ANGPT1: variants seen among roughly 807,000 people sequenced by gnomAD.
ANGPT1 encodes angiopoietin-1.
A neutral mutation model predicts 62.2 loss-of-function variants in ANGPT1; 17 were observed. That is an observed-to-expected ratio of 0.27 (90% CI 0.19 to 0.41). ANGPT1 has a LOEUF of 0.41. Among genes scored for constraint, ANGPT1 ranks in the 10% least tolerant of loss-of-function variants. The pLI is 1.00. For synonymous variants in ANGPT1, 199 were observed against 198.9 expected (o/e 1.00, Z 0.00); for missense variants, 478 against 594.9 (o/e 0.80, Z 2.04).
intron 1 of ANGPT1, among the ~76,000 whole-genome samples, chr8:107,398,930 G>A (rs544423203): frequency 6.6e-6 from 1 of 152,146 alleles, no homozygotes; most frequent in Non-Finnish European, 1.5e-5. Context: ...TTCAGTGGCT[G>A]TAGTACTTAG....
At chr8:107,449,551 T>C (rs1323793263) in intron 1 of ANGPT1, among the ~76,000 whole-genome samples, 2 of 152,000 alleles carry the variant, frequency 1.3e-5, no homozygotes, top group East Asian at 3.9e-4. Flanking sequence ...TTGAAATGGG[T>C]ACTTAAGCAA....
rs1419086641 is a variant in ANGPT1 at position 107,264,708 on chromosome 8, T to C, written c.1206-357A>G. Reference sequence around the variant, plus strand: ...ATCCATTAATATCTAATAGTGCAGATGTACTAAACATTATTAATAGCAATA... The same window carrying C: ...ATCCATTAATATCTAATAGTGCAGACGTACTAAACATTATTAATAGCAATA... On this transcript the variant is annotated intron_variant, in intron 7 of 8. Coordinates refer to ENST00000517746, the MANE Select transcript of ANGPT1 (RefSeq NM_001146.5). Among the ~76,000 whole-genome samples the C allele has an allele frequency of 3.3e-5, 5 of 152,218 alleles. No homozygotes were observed. The East Asian group carries it at 7.7e-4, about 23-fold the overall frequency.
chr8:107,466,141 T>G (rs568332888), intron 1 of ANGPT1, among the ~76,000 whole-genome samples: 1 of 152,264 alleles, frequency 6.6e-6, no homozygotes, highest in South Asian at 2.1e-4. Context: ...ACTTAGAAAT[T>G]TCCACTTAAT....
chr8:107,328,947 T>C (rs1347935385), intron 3 of ANGPT1, among the ~76,000 whole-genome samples: 4 of 152,098 alleles, frequency 2.6e-5, no homozygotes, highest in Non-Finnish European at 5.9e-5. Context: ...TTATAAATTA[T>C]AGTGCATCTA....
At chr8:107,268,673 T>C (rs1813670899) in intron 7 of ANGPT1, among the ~76,000 whole-genome samples, 1 of 152,104 alleles carries the variant, frequency 6.6e-6, no homozygotes, top group Admixed American at 6.6e-5. Flanking sequence ...AATAAAAATA[T>C]GCTTAAGGTT....
intron 1 of ANGPT1, among the ~76,000 whole-genome samples, chr8:107,442,659 T>C (rs570171806): frequency 9.2e-5 from 14 of 152,170 alleles, no homozygotes; most frequent in East Asian, 5.8e-4. Context: ...TCTTCTACCT[T>C]CCTAAATTAT....
intron 1 of ANGPT1, among the ~76,000 whole-genome samples, chr8:107,391,882 C>G (rs1816842796): frequency 6.6e-6 from 1 of 152,110 alleles, no homozygotes; most frequent in African/African-American, 2.4e-5. Context: ...AAATGTAATG[C>G]ATTGCCCTAT....
At chr8:107,391,459 G>A (rs182357018) in intron 1 of ANGPT1, among the ~76,000 whole-genome samples, 36 of 152,280 alleles carry the variant, frequency 2.4e-4, no homozygotes, top group Non-Finnish European at 4.7e-4. Flanking sequence ...CTGAGGTCAG[G>A]AGTTTGAGAC....
chr8:107,281,557 T>G (rs1258569954), intron 7 of ANGPT1, among the ~76,000 whole-genome samples: 1 of 152,044 alleles, frequency 6.6e-6, no homozygotes, highest in Non-Finnish European at 1.5e-5. Flanking sequence ...GGCGTGCGGA[T>G]CACGAGATCA....
Position 107,446,522 on chromosome 8 carries a change from T to TTTGGCCTATAAAGATAA in ANGPT1, c.297+50723_297+50739dup, listed in dbSNP as rs1811625036. 3.9e-5 allele frequency among the ~76,000 whole-genome samples: 6 copies of TTTGGCCTATAAAGATAA among 152,300 alleles called. No individual in the cohort carries two copies. The South Asian group carries it at 1.2e-3, about 32-fold the overall frequency. Reference sequence around the variant, plus strand: ...TTGAACAGAATAGTTGACATTGGAATTTGGCCTATAAAGATAAAGAGGATT... The same window carrying TTTGGCCTATAAAGATAA: ...TTGAACAGAATAGTTGACATTGGAATTTGGCCTATAAAGATAATTGGCCTATAAAGATAAAGAGGATT... On this transcript the variant is annotated intron_variant, in intron 1 of 8. Transcript: ENST00000517746.
At chr8:107,348,013 A>G (rs978141306) in intron 1 of ANGPT1, among the ~76,000 whole-genome samples, 1 of 152,210 alleles carries the variant, frequency 6.6e-6, no homozygotes, top group African/African-American at 2.4e-5. Context: ...CCTCCCTGTC[A>G]GTGCATTTAA....
intron 1 of ANGPT1, among the ~76,000 whole-genome samples, chr8:107,373,661 G>T (rs1654714): frequency 0.74 from 113,263 of 152,038 alleles, 43,059 homozygotes; most frequent in East Asian, 0.87. Flanking sequence ...CTTTCTAGGG[G>T]CTCTCTTGAA....
At chr8:107,285,083 T>G (rs1814107576) in intron 6 of ANGPT1, among the ~76,000 whole-genome samples, 1 of 152,132 alleles carries the variant, frequency 6.6e-6, no homozygotes, top group Non-Finnish European at 1.5e-5. Flanking sequence ...CAAATCTGTG[T>G]GGATGAGACA....
At chr8:107,317,108 C>T (rs1325416858) in intron 4 of ANGPT1, among the ~76,000 whole-genome samples, 1 of 152,196 alleles carries the variant, frequency 6.6e-6, no homozygotes, top group East Asian at 1.9e-4. Context: ...TAATATTTCT[C>T]TGTGAGCTTT....
intron 1 of ANGPT1, among the ~76,000 whole-genome samples, chr8:107,442,616 T>A (rs187602179): frequency 6.6e-6 from 1 of 152,242 alleles, no homozygotes; most frequent in East Asian, 1.9e-4. Context: ...TGGGTTAGCT[T>A]TATATTTCTC....
chr8:107,458,646 T>C (rs956676360), intron 1 of ANGPT1, among the ~76,000 whole-genome samples: 2 of 152,158 alleles, frequency 1.3e-5, no homozygotes, highest in Admixed American at 1.3e-4. Flanking sequence ...TTATACTATG[T>C]TTGATGCAAC....
intron 3 of ANGPT1, among the ~76,000 whole-genome samples, chr8:107,330,197 A>G (rs1455326516): frequency 2.0e-5 from 3 of 152,202 alleles, no homozygotes; most frequent in Non-Finnish European, 4.4e-5. Context: ...CACTGTTCTC[A>G]GTGATTTACA....
At chr8:107,278,531 C>T (rs72672503) in intron 7 of ANGPT1, among the ~76,000 whole-genome samples, 26,264 of 152,146 alleles carry the variant, frequency 0.17, 2,517 homozygotes, top group Middle Eastern at 0.29. Flanking sequence ...AATCTGGGTA[C>T]TCCATTTCCC....
chr8:107,269,343 T>A (rs574610986), intron 7 of ANGPT1, among the ~76,000 whole-genome samples: 2 of 152,136 alleles, frequency 1.3e-5, no homozygotes, highest in Non-Finnish European at 2.9e-5. Context: ...GAGTTGAGGC[T>A]CAAACAGAAC....
Sources: gnomAD v4.1 joint callset for allele counts (sites outside exome capture counted in the v4.1 genomes callset) on GRCh38, gnomAD v4.1.1 for gene constraint, MANE v1.5 for transcripts, NCBI Gene and HGNC (gene_info 2026-07-23, HGNC 2026-07-21) for gene names.